The following PCDHGA1 variants were observed in gnomAD, a reference collection of about 807,000 sequenced individuals.
The protein encoded by PCDHGA1 is protocadherin gamma-A1.
PCDHGA1 carries 32 observed loss-of-function variants against 58.0 expected under a neutral mutation model. The observed-to-expected ratio is 0.55, with a 90% CI of 0.42 to 0.74. The LOEUF is 0.74. Ranked by LOEUF, PCDHGA1 falls within the 30% of genes least tolerant of loss-of-function variation. The pLI is 0.00. For missense variants in PCDHGA1, 1,205 were observed against 1,182.3 expected, an observed-to-expected ratio of 1.02 and a Z score of -0.28; for synonymous variants, 498 against 501.1, an observed-to-expected ratio of 0.99 and a Z score of 0.08.
intron 3 of PCDHGA1, among the ~76,000 whole-genome samples, chr5:141,509,583 A>G (rs1008344833): frequency 7.2e-5 from 11 of 152,320 alleles, no homozygotes; most frequent in African/African-American, 2.4e-4. Flanking sequence ...CGTACAAATC[A>G]GCTGGCAATT....
intron 1 of PCDHGA1, chr5:141,404,622 A>G (rs1182540384): frequency 9.9e-6 from 16 of 1,614,156 alleles, no homozygotes; most frequent in Non-Finnish European, 1.4e-5. Flanking sequence ...GACCAGAATG[A>G]CAATGCCCCA....
At chr5:141,375,495 T>C (rs1771526173) in intron 1 of PCDHGA1, 13 of 1,613,800 alleles carry the variant, frequency 8.1e-6, no homozygotes, top group Non-Finnish European at 1.1e-5. Flanking sequence ...GGTGCCTCCA[T>C]CTTCTCTGTG....
At chr5:141,479,200 AAAGT>A (rs1430087636) in intron 1 of PCDHGA1, 5 of 152,466 alleles carry the variant, frequency 3.3e-5, no homozygotes, top group African/African-American at 1.2e-4. Flanking sequence ...AAAATACAGA[AAAGT>A]ATTTAAAAAA....
chr5:141,340,688 A>C, intron 1 of PCDHGA1: 1 of 1,614,140 alleles, frequency 6.2e-7, no homozygotes, highest in Non-Finnish European at 8.5e-7. Flanking sequence ...AGACGGTTCC[A>C]CTGGCGTGGA....
Position 141,490,798 on chromosome 5 carries a change from C to A in PCDHGA1, c.2422-4009C>A. 2 of 1,613,926 alleles carry A rather than the reference C, an allele frequency of 1.2e-6. No individual in the cohort carries two copies. Among genetic ancestry groups the A allele is most frequent in the South Asian group, 2.2e-5 (2 of 91,074 alleles). ...AGAGGATGGACGGATCTTTGCCCAG[C>A]GTACCTTTGACTATGAATTGCTGCA... On this transcript the variant is annotated intron_variant, in intron 1 of 3. Transcript: ENST00000517417. This position sits in a 1 kb window ranked among gnomAD's most constrained non-coding sequence, Gnocchi z 5.4.
rs2099402935 is a variant in PCDHGA1, at chr5:141,476,991, G to A, written c.2422-17816G>A. On this transcript the variant is annotated intron_variant, in intron 1 of 3. Transcript: ENST00000517417. The surrounding 1 kb of genome is among the most constrained non-coding windows in gnomAD (Gnocchi z 7.6). ...GGCAGCCACAACCGCGCCGGCGTGC[G>A]GCAACTATTCGCCTTAGACCTTGTA... 4 of 1,614,094 alleles carry A rather than the reference G, an allele frequency of 2.5e-6. No homozygotes were observed. Among genetic ancestry groups the A allele is most frequent in the Non-Finnish European group, 3.4e-6 (4 of 1,180,056 alleles).
chr5:141,400,091 C>T, intron 1 of PCDHGA1: 4 of 1,614,072 alleles, frequency 2.5e-6, no homozygotes, highest in South Asian at 1.1e-5. Context: ...GCCACCGCCA[C>T]GCTGCACTTG....
chr5:141,496,338 G>A (rs1011495959), intron 2 of PCDHGA1, among the ~76,000 whole-genome samples: 5 of 152,230 alleles, frequency 3.3e-5, no homozygotes, highest in African/African-American at 9.6e-5. Flanking sequence ...TCAGGAGCCT[G>A]GAGGAGTCTC....
At position 141,408,970 on chromosome 5, in the gene PCDHGA1, C is replaced by T. The variant is rs755949698; in HGVS notation, c.2421+75865C>T. The stretch of plus-strand genomic sequence containing the variant: ...GAATTAGTCTTAGTGAAAATCTGCC[C>T]CCTGGGTCCCCTGTGTTGCAAGTGA... On this transcript the variant is annotated intron_variant, in intron 1 of 3. Coordinates refer to ENST00000517417, the MANE Select transcript of PCDHGA1 (RefSeq NM_018912.3). 10 of 1,613,770 alleles carry T rather than the reference C, an allele frequency of 6.2e-6. No homozygotes were observed. The South Asian group carries it at 1.1e-4, about 18-fold the overall frequency.
intron 1 of PCDHGA1, chr5:141,371,334 A>G (rs1767674983): frequency 3.1e-6 from 5 of 1,613,888 alleles, no homozygotes; most frequent in Non-Finnish European, 4.2e-6. Context: ...AGAGAGAGAT[A>G]GCTACACAAT....
chr5:141,473,944 C>T (rs1279694347), intron 1 of PCDHGA1, among the ~76,000 whole-genome samples: 1 of 152,156 alleles, frequency 6.6e-6, no homozygotes, highest in Non-Finnish European at 1.5e-5. Context: ...TAGCTCAGGC[C>T]TGTAGTCCCA....
chr5:141,485,858 C>A lies in PCDHGA1; in HGVS notation c.2422-8949C>A, dbSNP rs1431906047. 8.1e-6 allele frequency: 13 copies of A among 1,614,162 alleles called. No individual in the cohort carries two copies. The South Asian group carries it at 1.4e-4, about 18-fold the overall frequency. ...GCCGAGATCTGGCACCGCAGAGCTC[C>A]GGGTATCCGTGCTGGACGTAAACGA... On this transcript the variant is annotated intron_variant, in intron 1 of 3. Coordinates refer to ENST00000517417, the MANE Select transcript of PCDHGA1 (RefSeq NM_018912.3). This position sits in a 1 kb window ranked among gnomAD's most constrained non-coding sequence, Gnocchi z 5.7.
intron 1 of PCDHGA1, chr5:141,419,244 C>T (rs2096349736): frequency 1.2e-6 from 2 of 1,614,008 alleles, no homozygotes; most frequent in Non-Finnish European, 1.7e-6. Context: ...GTCCACGTGC[C>T]AGAAAACAAC....
chr5:141,421,869 A>G lies in PCDHGA1; in HGVS notation c.2422-72938A>G, dbSNP rs200015978. 1.5e-5 allele frequency: 24 copies of G among 1,613,732 alleles called. No individual in the cohort carries two copies. The African/African-American group carries it at 3.1e-4, about 21-fold the overall frequency. ...AGGCTGCTCACCTGCTCCTCCTCAC[A>G]GCTTTAGATGGAGGCGATCCCATCC... On this transcript the variant is annotated intron_variant, in intron 1 of 3. Transcript: ENST00000517417.
Position 141,484,647 on chromosome 5 carries a change from G to A in PCDHGA1, c.2422-10160G>A, listed in dbSNP as rs556711906. Among the ~76,000 whole-genome samples, 104 of 152,066 alleles carry A rather than the reference G, an allele frequency of 6.8e-4. 3 individuals carry two copies. Among genetic ancestry groups the A allele is most frequent in the East Asian group, 1.2e-3 (6 of 5,166 alleles). ...TGAACAAAGTGACCACTCTCCAATG[G>A]CTACTCTCCCTCTCAGTGGGCCGCA... On this transcript the variant is annotated intron_variant, in intron 1 of 3. Transcript: ENST00000517417.
chr5:141,404,952 G>A (rs2094589054), intron 1 of PCDHGA1: 3 of 1,614,030 alleles, frequency 1.9e-6, no homozygotes, highest in African/African-American at 1.3e-5. Flanking sequence ...ATAGCTGACA[G>A]CATCCCAGAC....
intron 1 of PCDHGA1, chr5:141,394,120 C>T: frequency 5.0e-6 from 8 of 1,613,954 alleles, no homozygotes; most frequent in Non-Finnish European, 5.9e-6. Context: ...TCCACTGAAA[C>T]TCAAATCGCT....
In PCDHGA1 at chr5:141,432,845, G is replaced by A. The variant is rs1299464282; in HGVS notation, c.2422-61962G>A. The A allele has an allele frequency of 1.2e-6, 2 of 1,614,076 alleles. No individual in the cohort carries two copies. The highest frequency in any genetic ancestry group is 8.5e-7 in the Non-Finnish European group (1 of 1,180,024). ...AGACCTCACTCTGTACCTGGTGGTA[G>A]CGGTGGCCGCGGTCTCCTGCGTCTT... On this transcript the variant is annotated intron_variant, in intron 1 of 3. Coordinates refer to ENST00000517417, the MANE Select transcript of PCDHGA1 (RefSeq NM_018912.3). This position sits in a 1 kb window ranked among gnomAD's most constrained non-coding sequence, Gnocchi z 6.0.
rs569362520 is a variant in PCDHGA1 at position 141,415,063 on chromosome 5, G to T, written c.2422-79744G>T. ...CGCGGTGGGGGAGCACACGGGCGAG[G>T]TGCGCACGGCGCGAGCCCTGCTGGA... On this transcript the variant is annotated intron_variant, in intron 1 of 3. Coordinates refer to ENST00000517417, the MANE Select transcript of PCDHGA1 (RefSeq NM_018912.3). The T allele has an allele frequency of 3.1e-6, 5 of 1,613,432 alleles. No individual in the cohort carries two copies. The highest frequency in any genetic ancestry group is 3.3e-5 in the Admixed American group (2 of 60,008).
Sources: gnomAD v4.1 joint callset for allele counts (sites outside exome capture counted in the v4.1 genomes callset) on GRCh38, gnomAD v4.1.1 for gene constraint, Gnocchi (gnomAD v3.1) non-coding constraint, MANE v1.5 for transcripts, NCBI Gene and HGNC (gene_info 2026-07-23, HGNC 2026-07-21) for gene names.